ZNF615: variants seen among roughly 807,000 people sequenced by gnomAD.
ZNF615 encodes the protein zinc finger protein 615.
Under a neutral mutation model 15.3 loss-of-function variants are expected in ZNF615, and 15 were observed. The observed-to-expected ratio is 0.98, with a 90% CI of 0.66 to 1.51. The LOEUF is 1.51. Ranked by LOEUF, ZNF615 falls within the 40% of genes most tolerant of loss-of-function variation. ZNF615 has a pLI of 0.00. For missense variants in ZNF615, 848 were observed against 895.9 expected, an observed-to-expected ratio of 0.95 and a Z score of 0.68; for synonymous variants, 268 against 294.6, an observed-to-expected ratio of 0.91 and a Z score of 0.92.
At chr19:52,004,105 G>T (rs763412494) in intron 2 of ZNF615, among the ~76,000 whole-genome samples, 11 of 152,278 alleles carry the variant, frequency 7.2e-5, no homozygotes, top group South Asian at 6.2e-4. Flanking sequence ...AGTTGACGTG[G>T]TATGACTACT....
rs2086676464 is a variant in ZNF615 at position 52,003,884 on chromosome 19, T to C, written c.-173A>G. On this transcript the variant is annotated 5_prime_UTR_variant, in exon 3 of 7. Coordinates refer to ENST00000598071, the MANE Select transcript of ZNF615 (RefSeq NM_001199324.2). ...TCCTTCCTTCACTTGATTTCTCTTGTTCTCAGCACCTGTGGGCTGAAGAGC... is the reference window on the plus strand; with the variant it reads ...TCCTTCCTTCACTTGATTTCTCTTGCTCTCAGCACCTGTGGGCTGAAGAGC... 1 of 1,430,570 alleles carries C rather than the reference T, an allele frequency of 7.0e-7. No individual in the cohort carries two copies. Among genetic ancestry groups the C allele is most frequent in the South Asian group, 1.7e-5 (1 of 60,070 alleles). The allele number at this position is 1,430,570 out of a possible 1,614,324, so 88.6% of individuals were successfully genotyped here.
chr19:52,003,946 A>C, intron 2 of ZNF615, 46 bp from the exon 3 acceptor site: 1 of 1,282,242 alleles, frequency 7.8e-7, no homozygotes, highest in Non-Finnish European at 1.0e-6. Context: ...TTAGGCCCAG[A>C]TGTTGTCACT....
At chr19:52,002,404 A>T in intron 3 of ZNF615, 123 bp from the exon 4 acceptor site, 1 of 1,351,746 alleles carries the variant, frequency 7.4e-7, no homozygotes. Flanking sequence ...TTCTTAGTAC[A>T]TTTTGACAGA....
At chr19:52,008,090 A>T in intron 1 of ZNF615, 51 bp downstream of exon 1, 1 of 1,516,884 alleles carries the variant, frequency 6.6e-7, no homozygotes, top group Non-Finnish European at 8.8e-7. Context: ...CCAGCCACGG[A>T]CAGAATTTCC....
rs749094922 is a variant in ZNF615, at chr19:51,993,491, C to T, written c.1618G>A (p.Gly540Arg). Residue 540 changes from glycine to arginine, a missense_variant, in exon 7 of 7, where the codon GGA becomes AGA. Coordinates refer to ENST00000598071, the MANE Select transcript of ZNF615 (RefSeq NM_001199324.2). ...TCTCCTGTATGAGTTCGTTGATGTC[C>T]CATTAGCCGGATCTTTGCTGGAAAG... The part of the protein sequence containing the change: ...KGFPAKIRLM[G>R]HQRTHTGEKP... 4.3e-6 allele frequency: 7 copies of T among 1,613,262 alleles called. No homozygotes were observed. Among genetic ancestry groups the T allele is most frequent in the Non-Finnish European group, 5.9e-6 (7 of 1,179,828 alleles).
At chr19:52,000,837 C>T (rs1352167970) in intron 5 of ZNF615, among the ~76,000 whole-genome samples, 1 of 151,932 alleles carries the variant, frequency 6.6e-6, no homozygotes, top group Admixed American at 6.6e-5. Context: ...CCTGTAGTCC[C>T]AGCCACTTAA....
In ZNF615 at chr19:51,992,601, T is replaced by G; in HGVS notation, c.*279A>C. On this transcript the variant is annotated 3_prime_UTR_variant, in exon 7 of 7. Transcript: ENST00000598071. The stretch of plus-strand genomic sequence containing the variant: ...CTATAATTATTACATTTCCACGAAT[T>G]AGTAGTTTATTCATGATCTATGATC... 1 of 329,728 alleles carries G rather than the reference T, an allele frequency of 3.0e-6. No individual in the cohort carries two copies. The highest frequency in any genetic ancestry group is 5.5e-6 in the Non-Finnish European group (1 of 181,204). The allele number at this position is 329,728 out of a possible 1,614,324, so 20.4% of individuals were successfully genotyped here.
In ZNF615 at chr19:51,991,747, G is replaced by A. The variant is rs985523339; in HGVS notation, c.*1133C>T. 3 of 152,076 alleles carry A rather than the reference G, an allele frequency of 2.0e-5. No individual in the cohort carries two copies. Among genetic ancestry groups the A allele is most frequent in the Admixed American group, 6.5e-5 (1 of 15,268 alleles). 9.4% of individuals were successfully genotyped at this position (152,076 alleles called of 1,614,324 possible). A position where few individuals can be genotyped will look rare whatever the true frequency, so the allele number is the denominator to read the frequency against. On this transcript the variant is annotated 3_prime_UTR_variant, in exon 7 of 7. Transcript: ENST00000598071. ...AATATATGTGTTAAGATTTCTTAAA[G>A]CTACATATAAAAAACAAACAAAAAT...
intron 2 of ZNF615, among the ~76,000 whole-genome samples, chr19:52,006,159 T>C (rs767832545): frequency 1.3e-5 from 2 of 152,112 alleles, no homozygotes; most frequent in Non-Finnish European, 2.9e-5. Flanking sequence ...CAGGTTTACA[T>C]CAGAAAAATA....
chr19:52,002,517 C>T, intron 3 of ZNF615: 1 of 609,836 alleles, frequency 1.6e-6, no homozygotes, highest in Non-Finnish European at 3.0e-6. Flanking sequence ...ATCCAATCCT[C>T]TTGCTAATGA....
At chr19:52,002,425 C>T (rs1401556023) in intron 3 of ZNF615, 144 bp from the exon 4 acceptor site, 2 of 1,204,262 alleles carry the variant, frequency 1.7e-6, no homozygotes, top group Non-Finnish European at 2.4e-6. Flanking sequence ...ATAAGAATTC[C>T]AGTAAAATAT....
At chr19:52,008,051 C>G in intron 1 of ZNF615, 90 bp downstream of exon 1, 2 of 1,242,276 alleles carry the variant, frequency 1.6e-6, no homozygotes, top group Middle Eastern at 1.9e-4. Context: ...CGACAGATAC[C>G]AGTCCATCAC....
In ZNF615 at chr19:51,992,955, G is replaced by A; in HGVS notation, c.2154C>T (p.Pro718=). The stretch of plus-strand genomic sequence containing the variant: ...CTTTCCCACAATCACTACATCCATA[G>A]GGCCTCTCTCCTGTATGTTTTCTTT... ...VHQRKHTGER[P]YGCSDCGKAF... is the part of the protein sequence containing the mutation. Residue 718 remains proline (P), a synonymous_variant, in exon 7 of 7, where the codon CCC becomes CCT. Coordinates refer to ENST00000598071, the MANE Select transcript of ZNF615 (RefSeq NM_001199324.2). The A allele has an allele frequency of 6.2e-7, 1 of 1,614,094 alleles. No homozygotes were observed. Among genetic ancestry groups the A allele is most frequent in the South Asian group, 1.1e-5 (1 of 91,076 alleles).
intron 6 of ZNF615, among the ~76,000 whole-genome samples, chr19:51,996,134 A>G (rs1446590217): frequency 6.6e-6 from 1 of 152,158 alleles, no homozygotes; most frequent in Admixed American, 6.5e-5. Flanking sequence ...TCACACCTGT[A>G]GTCCCAGCAC....
chr19:52,005,132 G>A (rs1182431489), intron 2 of ZNF615, among the ~76,000 whole-genome samples: 3 of 152,084 alleles, frequency 2.0e-5, no homozygotes, highest in East Asian at 1.9e-4. Flanking sequence ...GGTAGCGCGT[G>A]CCTATAATCC....
chr19:51,999,106 T>G (rs2086522318), intron 6 of ZNF615, among the ~76,000 whole-genome samples: 1 of 152,164 alleles, frequency 6.6e-6, no homozygotes, highest in Admixed American at 6.5e-5. Flanking sequence ...AACAATTCCA[T>G]TAACTGCAGA....
chr19:51,999,837 G>C (rs2086540195), intron 6 of ZNF615, among the ~76,000 whole-genome samples: 1 of 152,118 alleles, frequency 6.6e-6, no homozygotes, highest in South Asian at 2.1e-4. Flanking sequence ...TCTTAAAGTA[G>C]AGAACTTTAA....
In ZNF615 at chr19:51,993,464, T is replaced by C. The variant is rs1267422766; in HGVS notation, c.1645A>G (p.Lys549Glu). The C allele has an allele frequency of 6.2e-7, 1 of 1,614,150 alleles. No homozygotes were observed. Among genetic ancestry groups the C allele is most frequent in the East Asian group, 2.2e-5 (1 of 44,888 alleles). Residue 549 changes from lysine (K) to glutamate (E), a missense_variant, in exon 7 of 7, where the codon AAA becomes GAA. Lys to Glu is a moderately conservative substitution (Grantham distance 56). Coordinates refer to ENST00000598071, the MANE Select transcript of ZNF615 (RefSeq NM_001199324.2). ...MGHQRTHTGE[K>E]PYICNECGKG... ...CCACACTCATTGCAAATATAAGGTT[T>C]CTCTCCTGTATGAGTTCGTTGATGT...
intron 6 of ZNF615, 75 bp downstream of exon 6, chr19:52,000,271 A>C: frequency 1.8e-6 from 1 of 548,602 alleles, no homozygotes; most frequent in Non-Finnish European, 3.3e-6. Flanking sequence ...ATTTGGTACT[A>C]TGTTCACTAC....
Sources: allele counts gnomAD v4.1 joint callset (sites outside exome capture counted in the v4.1 genomes callset), GRCh38; gene constraint gnomAD v4.1.1; transcripts MANE v1.5; gene names NCBI Gene and HGNC (gene_info 2026-07-23, HGNC 2026-07-21).